ERGIC2: variants seen among roughly 807,000 people sequenced by gnomAD.
ERGIC2 encodes endoplasmic reticulum-Golgi intermediate compartment protein 2.
In ERGIC2, 31 loss-of-function variants were observed where a neutral mutation model predicts 52.5. The ratio of observed to expected loss-of-function variants is 0.59; its 90% CI spans 0.44 to 0.80. ERGIC2 has a LOEUF of 0.80. ERGIC2 is among the 30% of genes least tolerant of loss of function. The probability of loss-of-function intolerance (pLI) is 0.00; values close to 1 mark genes in which losing one functional copy is unlikely to be tolerated. For synonymous variants in ERGIC2, 129 were observed against 140.6 expected (o/e 0.92, Z 0.58); for missense variants, 395 against 455.2 (o/e 0.87, Z 1.20).
chr12:29,379,698 T>C (rs1388294075), intron 1 of ERGIC2, among the ~76,000 whole-genome samples: 2 of 152,198 alleles, frequency 1.3e-5, no homozygotes, highest in African/African-American at 2.4e-5. Flanking sequence ...TAAGTATCAT[T>C]ATTTCATTTG....
At position 29,361,565 on chromosome 12, in the gene ERGIC2, G is replaced by A. The variant is rs552993657; in HGVS notation, c.374+80C>T. 3.4e-5 allele frequency: 34 copies of A among 1,011,060 alleles called. No homozygotes were observed. The East Asian group carries it at 7.6e-4, about 23-fold the overall frequency. 62.6% of individuals were successfully genotyped at this position (1,011,060 alleles called of 1,614,324 possible). A position where few individuals can be genotyped will look rare whatever the true frequency, so the allele number is the denominator to read the frequency against. ...CATCCAAAGAAATCCCTAGAGAAAT[G>A]TGTTAATCTATAAATAGTTTACAAT... is the stretch of plus-strand genomic sequence containing the variant. On this transcript the variant is annotated intron_variant, in intron 6 of 13. Transcript: ENST00000360150.
intron 11 of ERGIC2, among the ~76,000 whole-genome samples, chr12:29,344,819 T>C (rs1940024141): frequency 6.6e-6 from 1 of 152,106 alleles, no homozygotes; most frequent in Non-Finnish European, 1.5e-5. Flanking sequence ...AATTCACCAT[T>C]CAAACACAAA....
chr12:29,357,774 C>T, intron 6 of ERGIC2, 50 bp from the exon 7 acceptor site: 1 of 984,558 alleles, frequency 1.0e-6, no homozygotes, highest in Non-Finnish European at 1.6e-6. Context: ...ACAAAGAGAG[C>T]TGACACTTAT....
chr12:29,377,974 T>C (rs775744708), intron 1 of ERGIC2, among the ~76,000 whole-genome samples: 2 of 152,210 alleles, frequency 1.3e-5, no homozygotes, highest in Non-Finnish European at 2.9e-5. Flanking sequence ...TTAATACATA[T>C]GGCCAAGTTG....
chr12:29,367,737 TTCACTATC>T (rs1940383572), intron 4 of ERGIC2, among the ~76,000 whole-genome samples: 1 of 151,896 alleles, frequency 6.6e-6, no homozygotes, highest in Non-Finnish European at 1.5e-5. Flanking sequence ...GATTCAAACA[TTCACTATC>T]TGGCATATTA....
intron 3 of ERGIC2, among the ~76,000 whole-genome samples, chr12:29,369,094 T>C (rs1033212102): frequency 6.6e-6 from 1 of 151,932 alleles, no homozygotes; most frequent in African/African-American, 2.4e-5. Flanking sequence ...TTTTTAGACC[T>C]TCATGAAGTC....
chr12:29,378,442 A>G (rs1287450584), intron 1 of ERGIC2, among the ~76,000 whole-genome samples: 1 of 152,212 alleles, frequency 6.6e-6, no homozygotes, highest in Non-Finnish European at 1.5e-5. Flanking sequence ...AATACAGGCA[A>G]TATAATTCAG....
rs1353926199 is a variant in ERGIC2 at position 29,357,681 on chromosome 12, G to A, written c.418C>T (p.Leu140Phe). The stretch of plus-strand genomic sequence containing the variant: ...GCACTTTTAAATATCACATCTTGAA[G>A]TGAATGCTCTTCTTGTAGCCTACTC... ...IQSRLQEEHS[L>F]QDVIFKSAFK... Residue 140 changes from leucine (L) to phenylalanine (F), a missense_variant, in exon 7 of 14, where the codon CTT becomes TTT. Transcript: ENST00000360150. The A allele has an allele frequency of 1.2e-6, 2 of 1,609,962 alleles. No homozygotes were observed. Among genetic ancestry groups the A allele is most frequent in the Non-Finnish European group, 1.7e-6 (2 of 1,176,762 alleles).
At position 29,340,656 on chromosome 12, in the gene ERGIC2, T is replaced by G; in HGVS notation, c.*500A>C. 3.7e-6 allele frequency: 1 copy of G among 267,650 alleles called. No homozygotes were observed. Among genetic ancestry groups the G allele is most frequent in the Non-Finnish European group, 7.2e-6 (1 of 138,668 alleles). 16.6% of individuals were successfully genotyped at this position (267,650 alleles called of 1,614,324 possible). ...CTATAACATAGGGACTAGCCCGTTT[T>G]TTTTTTTTATTAACAATGTGACCTG... On this transcript the variant is annotated 3_prime_UTR_variant, in exon 14 of 14. Coordinates refer to ENST00000360150, the MANE Select transcript of ERGIC2 (RefSeq NM_016570.3).
intron 8 of ERGIC2, among the ~76,000 whole-genome samples, 179 bp downstream of exon 8, chr12:29,356,203 A>C (rs1940202200): frequency 6.6e-6 from 1 of 151,982 alleles, no homozygotes; most frequent in Non-Finnish European, 1.5e-5. Flanking sequence ...TTGTATTTTT[A>C]GTAGAGATGA....
At chr12:29,349,532 G>A (rs1940103687) in intron 9 of ERGIC2, among the ~76,000 whole-genome samples, 1 of 151,970 alleles carries the variant, frequency 6.6e-6, no homozygotes, top group Admixed American at 6.6e-5. Flanking sequence ...TGATGGCCAT[G>A]TGGCCATATA....
intron 1 of ERGIC2, chr12:29,380,889 C>T (rs1302933477): frequency 6.6e-6 from 1 of 152,220 alleles, no homozygotes; most frequent in Non-Finnish European, 1.5e-5. Context: ...CACAAGCACC[C>T]GGACCTGGCA....
chr12:29,381,053 A>C (rs1008198712), intron 1 of ERGIC2, 62 bp downstream of exon 1: 1 of 152,266 alleles, frequency 6.6e-6, no homozygotes. Flanking sequence ...AATTGCATTT[A>C]CGCCCTAAAC....
chr12:29,371,463 G>T, intron 2 of ERGIC2, 65 bp downstream of exon 2: 1 of 1,040,002 alleles, frequency 9.6e-7, no homozygotes, highest in Non-Finnish European at 1.4e-6. Flanking sequence ...ATTTCTATAT[G>T]TTGTTGACTG....
At chr12:29,361,927 C>T (rs182104484) in intron 5 of ERGIC2, among the ~76,000 whole-genome samples, 4 of 152,228 alleles carry the variant, frequency 2.6e-5, no homozygotes, top group African/African-American at 9.6e-5. Context: ...TCGACATTTA[C>T]AGGAATATAT....
chr12:29,369,198 C>A (rs1421954427), intron 3 of ERGIC2, among the ~76,000 whole-genome samples: 1 of 151,932 alleles, frequency 6.6e-6, no homozygotes, highest in Non-Finnish European at 1.5e-5. Context: ...AGACAAACTT[C>A]TGCATATCCT....
chr12:29,343,267 G>T lies in ERGIC2; in HGVS notation c.841C>A (p.His281Asn). 6.3e-7 allele frequency: 1 copy of T among 1,590,178 alleles called. No individual in the cohort carries two copies. Among genetic ancestry groups the T allele is most frequent in the Non-Finnish European group, 8.6e-7 (1 of 1,167,750 alleles). Residue 281 changes from histidine to asparagine, a missense_variant, in exon 12 of 14, where the codon CAT becomes AAT. Transcript: ENST00000360150. ...GAGACTCCATGGCTGCCTGCAGCAT[G>T]GTTAATGATACGTTCCTAAAAGGGA... ...SVTERERIIN[H>N]AAGSHGVSGI...
intron 11 of ERGIC2, among the ~76,000 whole-genome samples, chr12:29,343,744 T>C (rs1351490537): frequency 2.0e-5 from 3 of 152,180 alleles, no homozygotes; most frequent in Non-Finnish European, 2.9e-5. Context: ...AAGTTTCCAA[T>C]AAAGTGACTA....
At position 29,376,966 on chromosome 12, in the gene ERGIC2, G is replaced by T. The variant is rs144961676; in HGVS notation, c.-38+4149C>A. 2.9e-3 allele frequency among the ~76,000 whole-genome samples: 437 copies of T among 152,204 alleles called. 5 individuals are homozygous for T. The highest frequency in any genetic ancestry group is 9.4e-3 in the African/African-American group (390 of 41,536). On this transcript the variant is annotated intron_variant, in intron 1 of 13. Transcript: ENST00000360150. The stretch of plus-strand genomic sequence containing the variant: ...TTTCCTTTATGAAATGATAAAAACA[G>T]ATATAACAGAGGTTGTTTTGTTTTT...
Sources: allele counts gnomAD v4.1 joint callset (sites outside exome capture counted in the v4.1 genomes callset), GRCh38; gene constraint gnomAD v4.1.1; transcripts MANE v1.5; gene names NCBI Gene and HGNC (gene_info 2026-07-23, HGNC 2026-07-21).